CUX1: variants seen among roughly 807,000 people sequenced by gnomAD.
CUX1 encodes the protein protein CASP.
A neutral mutation model predicts 158.8 loss-of-function variants in CUX1; 31 were observed. The ratio of observed to expected loss-of-function variants is 0.20; its 90% CI spans 0.15 to 0.26. CUX1 has a LOEUF of 0.26. CUX1 is among the 10% of genes least tolerant of loss of function. The probability of loss-of-function intolerance (pLI) is 1.00; values close to 1 mark genes in which losing one functional copy is unlikely to be tolerated. For missense variants in CUX1, 1,589 were observed against 2,014.6 expected (o/e 0.79, Z 4.04); for synonymous variants, 879 against 862.1 (o/e 1.02, Z -0.34).
At chr7:102,036,035 C>T (rs1474609437) in intron 3 of CUX1, among the ~76,000 whole-genome samples, 2 of 152,104 alleles carry the variant, frequency 1.3e-5, no homozygotes, top group Non-Finnish European at 1.5e-5. Flanking sequence ...TCTTTTGTAA[C>T]GGCCCTCCCT....
intron 1 of CUX1, among the ~76,000 whole-genome samples, chr7:101,872,912 ACC>A (rs1798723799): frequency 6.6e-6 from 1 of 151,866 alleles, no homozygotes; most frequent in African/African-American, 2.4e-5. Flanking sequence ...TCGCTCTGTC[ACC>A]CGGGCTGGAG....
At chr7:101,943,285 T>G (rs1807943198) in intron 2 of CUX1, among the ~76,000 whole-genome samples, 1 of 151,796 alleles carries the variant, frequency 6.6e-6, no homozygotes, top group South Asian at 2.1e-4. Context: ...TTTTGTATTT[T>G]TAGTAGAGAC....
downstream of CUX1, among the ~76,000 whole-genome samples, chr7:102,263,180 A>G (rs1165164822): frequency 2.7e-5 from 4 of 150,026 alleles, no homozygotes; most frequent in Non-Finnish European, 5.9e-5. Context: ...CGTCCAGCTA[A>G]TTTTTGTATT....
At position 102,254,273 on chromosome 7, in the gene CUX1, C is replaced by T; in HGVS notation, c.*5231C>T. 1 of 985,498 alleles carries T rather than the reference C, an allele frequency of 1.0e-6. No individual in the cohort carries two copies. The highest frequency in any genetic ancestry group is 1.2e-6 in the Non-Finnish European group (1 of 829,976). 61.0% of individuals were successfully genotyped at this position (985,498 alleles called of 1,614,324 possible). A position where few individuals can be genotyped will look rare whatever the true frequency, so the allele number is the denominator to read the frequency against. On this transcript the variant is annotated 3_prime_UTR_variant, in exon 24 of 24. Transcript: ENST00000292535. ...CTCAGCTGTTAAGATCCATCATGGC[C>T]ATTATCCTTGTCCCGGACTGCCCCA...
chr7:102,053,912 TCTC>T (rs1823830461), intron 3 of CUX1, among the ~76,000 whole-genome samples: 1 of 151,744 alleles, frequency 6.6e-6, no homozygotes, highest in Non-Finnish European at 1.5e-5. Context: ...TTTGAGCCAT[TCTC>T]CTGCCTCAGA....
intron 11 of CUX1, among the ~76,000 whole-genome samples, chr7:102,179,276 G>GACCTCAGGTGATCTGTCC (rs1792760218): frequency 6.6e-6 from 1 of 152,170 alleles, no homozygotes; most frequent in African/African-American, 2.4e-5. Flanking sequence ...TTGAGCTCCT[G>GACCTCAGGTGATCTGTCC]ACCTCAGGTG....
intron 21 of CUX1, among the ~76,000 whole-genome samples, chr7:102,229,085 G>A (rs571683746): frequency 5.3e-5 from 8 of 152,260 alleles, no homozygotes; most frequent in African/African-American, 1.2e-4. Context: ...TGCTGTTCCC[G>A]CTGCCTTGCG....
Position 102,254,105 on chromosome 7 carries a change from A to C in CUX1, c.*5063A>C, listed in dbSNP as rs1801819319. On this transcript the variant is annotated 3_prime_UTR_variant, in exon 24 of 24. Transcript: ENST00000292535. Reference sequence around the variant, plus strand: ...CCTTTTGTGAGCGCAACACGGACAAACAGCTGTGCTCTGCAAGGCACACGG... The same window carrying C: ...CCTTTTGTGAGCGCAACACGGACAACCAGCTGTGCTCTGCAAGGCACACGG... 1 of 985,254 alleles carries C rather than the reference A, an allele frequency of 1.0e-6. No homozygotes were observed. The highest frequency in any genetic ancestry group is 1.7e-5 in the African/African-American group (1 of 57,202). The allele number at this position is 985,254 out of a possible 1,614,324, so 61.0% of individuals were successfully genotyped here. A position where few individuals can be genotyped will look rare whatever the true frequency, so the allele number is the denominator to read the frequency against.
At chr7:102,153,412 G>A (rs112446344) in intron 8 of CUX1, 10,388 of 152,436 alleles carry the variant, frequency 0.068, 495 homozygotes, top group African/African-American at 0.13. Flanking sequence ...AGCACCCCCA[G>A]GCAGCCACGC....
chr7:102,112,457 G>A (rs1411940512), intron 7 of CUX1, among the ~76,000 whole-genome samples: 1 of 152,078 alleles, frequency 6.6e-6, no homozygotes, highest in Non-Finnish European at 1.5e-5. Flanking sequence ...TAGCCAGGAT[G>A]GTCTCGATCT....
chr7:102,181,684 T>C (rs1282553115), intron 11 of CUX1, among the ~76,000 whole-genome samples: 4 of 152,234 alleles, frequency 2.6e-5, no homozygotes, highest in Admixed American at 2.0e-4. Flanking sequence ...TATCTTCTAG[T>C]AACAAGACTT....
intron 20 of CUX1, among the ~76,000 whole-genome samples, chr7:102,209,833 C>T (rs2132124424): frequency 6.6e-6 from 1 of 152,272 alleles, no homozygotes. Flanking sequence ...CTTGTTTGCT[C>T]AGAGTGTGGC....
At chr7:102,259,752 A>G (rs1360073736), downstream of CUX1, among the ~76,000 whole-genome samples, 15 of 27,896 alleles carry the variant, frequency 5.4e-4, 1 homozygote, top group East Asian at 4.8e-3. Flanking sequence ...AAAAAAAAAA[A>G]AAAAAGAAAG....
At chr7:101,893,296 C>G (rs1406477286) in intron 1 of CUX1, among the ~76,000 whole-genome samples, 1 of 150,842 alleles carries the variant, frequency 6.6e-6, no homozygotes, top group African/African-American at 2.4e-5. Context: ...GCATGAGCAA[C>G]TGCGCCTGGC....
At chr7:102,280,658 C>CCCCTGGCAGCA (rs1791993293) in intron 19 of CUX1, 1 of 698,318 alleles carries the variant, frequency 1.4e-6, no homozygotes. Flanking sequence ...CCCAGGGAAG[C>CCCCTGGCAGCA]CCCTGGCAGC....
rs1323041575 is a variant in CUX1 at position 102,252,261 on chromosome 7, A to T, written c.*3219A>T. On this transcript the variant is annotated 3_prime_UTR_variant, in exon 24 of 24. Transcript: ENST00000292535. ...GCACCCCCTCCTGGTTGGGCCCCTC[A>T]GTTGGAGTCTAAGGGTTAATCTCTC... The T allele has an allele frequency of 1.0e-6, 1 of 985,366 alleles. No individual in the cohort carries two copies. Among genetic ancestry groups the T allele is most frequent in the Non-Finnish European group, 1.2e-6 (1 of 829,972 alleles). 61.0% of individuals were successfully genotyped at this position (985,366 alleles called of 1,614,324 possible).
intron 1 of CUX1, among the ~76,000 whole-genome samples, chr7:101,881,151 G>A (rs951957192): frequency 2.0e-5 from 3 of 152,224 alleles, no homozygotes; most frequent in African/African-American, 7.2e-5. Flanking sequence ...TATCTAAAAA[G>A]GAAGTGGAAA....
intron 2 of CUX1, among the ~76,000 whole-genome samples, chr7:101,969,541 T>C (rs1426440541): frequency 6.6e-6 from 1 of 152,158 alleles, no homozygotes; most frequent in Non-Finnish European, 1.5e-5. Flanking sequence ...GATTCTGATG[T>C]GAAGTCAGCC....
intron 3 of CUX1, among the ~76,000 whole-genome samples, chr7:102,030,368 C>T (rs993781517): frequency 1.3e-5 from 2 of 151,682 alleles, no homozygotes; most frequent in African/African-American, 4.8e-5. Flanking sequence ...CCATGTACCT[C>T]CCCCCTCCCC....
Sources: allele counts gnomAD v4.1 joint callset (sites outside exome capture counted in the v4.1 genomes callset), GRCh38; gene constraint gnomAD v4.1.1; transcripts MANE v1.5; gene names NCBI Gene and HGNC (gene_info 2026-07-23, HGNC 2026-07-21).